Variants in METTL15 observed in about 807,000 individuals in gnomAD.
METTL15 encodes methyltransferase 15, mitochondrial 12S rRNA N4-cytidine, also known as 12S rRNA N(4)-cytidine methyltransferase METTL15.
In METTL15, 34 loss-of-function variants were observed where a neutral mutation model predicts 38.3. That is an observed-to-expected ratio of 0.89 (90% CI 0.68 to 1.18). The LOEUF is 1.18. METTL15 is among the 50% of genes most tolerant of loss of function. METTL15 has a pLI of 0.00. For synonymous variants in METTL15, 162 were observed against 170.9 expected, an observed-to-expected ratio of 0.95 and a Z score of 0.41; for missense variants, 438 against 498.4, an observed-to-expected ratio of 0.88 and a Z score of 1.15.
At chr11:28,484,250 A>G (rs1434198839) in intron 6 of METTL15, among the ~76,000 whole-genome samples, 1 of 152,188 alleles carries the variant, frequency 6.6e-6, no homozygotes, top group African/African-American at 2.4e-5. Flanking sequence ...CTTTTATTAC[A>G]AAGAAATCAA....
At chr11:28,348,375 C>T (rs1341917395) in intron 3 of METTL15, among the ~76,000 whole-genome samples, 1 of 152,086 alleles carries the variant, frequency 6.6e-6, no homozygotes, top group Non-Finnish European at 1.5e-5. Flanking sequence ...TGAATTTCTT[C>T]TTATTATTTT....
chr11:28,502,856 A>C (rs1851596220), intron 6 of METTL15, among the ~76,000 whole-genome samples: 1 of 152,178 alleles, frequency 6.6e-6, no homozygotes, highest in African/African-American at 2.4e-5. Context: ...CTGGAAATAA[A>C]GGAAAGTAGG....
intron 3 of METTL15, among the ~76,000 whole-genome samples, chr11:28,190,465 C>T (rs893389551): frequency 2.7e-5 from 4 of 150,866 alleles, no homozygotes; most frequent in South Asian, 2.1e-4. Flanking sequence ...CAAAGAAGAT[C>T]GTTCTTAATT....
At chr11:28,306,341 G>A (rs1362287218) in intron 6 of METTL15, among the ~76,000 whole-genome samples, 1 of 152,012 alleles carries the variant, frequency 6.6e-6, no homozygotes, top group Non-Finnish European at 1.5e-5. Flanking sequence ...TGACTAACCA[G>A]GCCATCTTTT....
chr11:28,310,954 TG>T (rs1857268110), intron 6 of METTL15, among the ~76,000 whole-genome samples: 1 of 90,750 alleles, frequency 1.1e-5, no homozygotes, highest in African/African-American at 4.4e-5. Context: ...GTGGTGGTGG[TG>T]GTGGTGGTGG....
Position 28,421,444 on chromosome 11 carries a change from A to T in METTL15, c.*359-2855A>T, listed in dbSNP as rs188816092. ...TAGTTCAATATCTCTGATGCATATT[A>T]ATACAAAAATCGTCAACAGTATACA... On this transcript the variant is annotated intron_variant and NMD_transcript_variant, in intron 5 of 7. Transcript: ENST00000532947. Among the ~76,000 whole-genome samples, 9 of 152,160 alleles carry T rather than the reference A, an allele frequency of 5.9e-5. No individual in the cohort carries two copies. In the East Asian group the frequency reaches 1.5e-3, roughly 26 times the overall value.
intron 3 of METTL15, among the ~76,000 whole-genome samples, chr11:28,186,988 T>G (rs1463696034): frequency 6.6e-6 from 1 of 151,150 alleles, no homozygotes; most frequent in Admixed American, 6.6e-5. Context: ...AATATACTTA[T>G]AAAGAAACTT....
At chr11:28,380,070 CT>C (rs1334677777) in intron 5 of METTL15, among the ~76,000 whole-genome samples, 1 of 151,464 alleles carries the variant, frequency 6.6e-6, no homozygotes, top group Non-Finnish European at 1.5e-5. Flanking sequence ...TGTTCCCACT[CT>C]TCATTTTTAG....
intron 4 of METTL15, among the ~76,000 whole-genome samples, chr11:28,259,269 C>T (rs980110014): frequency 3.9e-5 from 6 of 151,998 alleles, no homozygotes; most frequent in East Asian, 3.9e-4. Flanking sequence ...AACGTCTTTC[C>T]CATTTGTCCT....
chr11:28,526,910 A>G (rs1369730932), exon 8 of METTL15: 1 of 152,250 alleles, frequency 6.6e-6, no homozygotes, highest in African/African-American at 2.4e-5. Context: ...GTAAATGTGT[A>G]CATTATTGTT....
At chr11:28,126,655 T>C (rs1852501353) in intron 3 of METTL15, among the ~76,000 whole-genome samples, 3 of 152,138 alleles carry the variant, frequency 2.0e-5, no homozygotes, top group Admixed American at 2.0e-4. Flanking sequence ...AATTAAACCA[T>C]TCTCTTATTT....
chr11:28,391,163 T>C (rs1447427200), intron 5 of METTL15, among the ~76,000 whole-genome samples: 2 of 152,130 alleles, frequency 1.3e-5, no homozygotes, highest in Non-Finnish European at 2.9e-5. Flanking sequence ...TATACAATCA[T>C]GTCATCTGCA....
At chr11:28,493,920 A>T (rs1851516419) in intron 6 of METTL15, among the ~76,000 whole-genome samples, 1 of 152,230 alleles carries the variant, frequency 6.6e-6, no homozygotes, top group Non-Finnish European at 1.5e-5. Flanking sequence ...ATATCTTGCA[A>T]TATGAGAGAA....
At chr11:28,116,787 C>G (rs936505071) in intron 3 of METTL15, among the ~76,000 whole-genome samples, 2 of 151,954 alleles carry the variant, frequency 1.3e-5, no homozygotes, top group African/African-American at 4.8e-5. Flanking sequence ...TTTAATTGTT[C>G]TAGAGAGAGT....
chr11:28,167,587 A>G (rs887951107), intron 3 of METTL15, among the ~76,000 whole-genome samples: 1 of 152,030 alleles, frequency 6.6e-6, no homozygotes, highest in East Asian at 1.9e-4. Context: ...TTATGTAAGT[A>G]TAAGTCATTT....
intron 4 of METTL15, among the ~76,000 whole-genome samples, chr11:28,228,177 C>G (rs1406379110): frequency 1.3e-5 from 2 of 151,860 alleles, no homozygotes; most frequent in Non-Finnish European, 2.9e-5. Context: ...TTCTCAGAAT[C>G]TCCTCCCTTG....
intron 3 of METTL15, among the ~76,000 whole-genome samples, chr11:28,130,531 TGG>T: frequency 6.6e-6 from 1 of 152,148 alleles, no homozygotes; most frequent in African/African-American, 2.4e-5. Flanking sequence ...ATGTGAGTAC[TGG>T]ATCTTTAAAG....
chr11:28,429,365 C>CTCTCCT (rs1488283682), intron 6 of METTL15, among the ~76,000 whole-genome samples: 6 of 126,142 alleles, frequency 4.8e-5, no homozygotes, highest in African/African-American at 1.8e-4. Context: ...CTCCCTCTCC[C>CTCTCCT]TCTCCCTCTC....
intron 3 of METTL15, among the ~76,000 whole-genome samples, chr11:28,189,821 C>T (rs12293206): frequency 2.0e-5 from 3 of 150,836 alleles, no homozygotes; most frequent in Non-Finnish European, 4.5e-5. Flanking sequence ...ACATTGTAAT[C>T]GAAATTTCAA....
Sources: gnomAD v4.1 joint callset for allele counts (sites outside exome capture counted in the v4.1 genomes callset) on GRCh38, gnomAD v4.1.1 for gene constraint, MANE v1.5 for transcripts, NCBI Gene and HGNC (gene_info 2026-07-23, HGNC 2026-07-21) for gene names.